The following UBE2H variants were observed in gnomAD, a reference collection of about 807,000 sequenced individuals.
UBE2H encodes the protein ubiquitin-conjugating enzyme E2 H.
UBE2H carries 3 observed loss-of-function variants against 29.0 expected under a neutral mutation model. That is an observed-to-expected ratio of 0.10 (90% confidence interval 0.05 to 0.27). The LOEUF is 0.27. Among genes scored for constraint, UBE2H ranks in the 10% least tolerant of loss-of-function variants. The probability of loss-of-function intolerance (pLI) is 1.00; values close to 1 mark genes in which losing one functional copy is unlikely to be tolerated. For synonymous variants in UBE2H, 69 were observed against 82.9 expected, an observed-to-expected ratio of 0.83 and a Z score of 0.91; for missense variants, 68 against 228.2, an observed-to-expected ratio of 0.30 and a Z score of 4.52.
At chr7:129,842,995 T>A (rs1584738319) in intron 5 of UBE2H, among the ~76,000 whole-genome samples, 1 of 150,700 alleles carries the variant, frequency 6.6e-6, no homozygotes, top group African/African-American at 2.4e-5. Context: ...ACATTAACAG[T>A]AATTTTTTTT....
chr7:129,842,396 A>G (rs193010683), intron 5 of UBE2H, among the ~76,000 whole-genome samples: 165 of 152,234 alleles, frequency 1.1e-3, no homozygotes, highest in African/African-American at 3.6e-3. Flanking sequence ...GCACCACAGT[A>G]CTCCAGCCTG....
At chr7:129,889,882 C>T (rs1472592648) in intron 1 of UBE2H, among the ~76,000 whole-genome samples, 3 of 152,014 alleles carry the variant, frequency 2.0e-5, no homozygotes, top group East Asian at 1.9e-4. Context: ...CCTAGCTAAT[C>T]GGAAGGCTGA....
intron 1 of UBE2H, among the ~76,000 whole-genome samples, chr7:129,945,294 G>A (rs1227769620): frequency 1.3e-5 from 2 of 152,142 alleles, no homozygotes; most frequent in Non-Finnish European, 2.9e-5. Context: ...AAGAATCCAA[G>A]ATGCCAAAAC....
intron 1 of UBE2H, among the ~76,000 whole-genome samples, chr7:129,944,765 C>T (rs1230969268): frequency 1.3e-5 from 2 of 151,608 alleles, no homozygotes; most frequent in African/African-American, 2.4e-5. Context: ...CGCACGCACG[C>T]GCATGCGCAA....
chr7:129,837,936 G>C (rs1805360629), intron 6 of UBE2H, among the ~76,000 whole-genome samples: 3 of 152,184 alleles, frequency 2.0e-5, no homozygotes, highest in Admixed American at 2.0e-4. Context: ...GACATGTACT[G>C]AAACAGGGCT....
intron 1 of UBE2H, among the ~76,000 whole-genome samples, chr7:129,932,713 G>A (rs1012203309): frequency 2.0e-5 from 3 of 146,416 alleles, no homozygotes; most frequent in African/African-American, 7.5e-5. Context: ...GGCGGAGGTT[G>A]CAGTGAGCTA....
chr7:129,907,828 C>G (rs1253502815), intron 1 of UBE2H, among the ~76,000 whole-genome samples: 1 of 151,992 alleles, frequency 6.6e-6, no homozygotes, highest in East Asian at 1.9e-4. Context: ...AAGATAAAGA[C>G]AAGAATAAGC....
At chr7:129,948,285 TG>T (rs1380963179) in intron 1 of UBE2H, among the ~76,000 whole-genome samples, 4 of 152,070 alleles carry the variant, frequency 2.6e-5, no homozygotes, top group Non-Finnish European at 2.9e-5. Flanking sequence ...CCTCCCAAAA[TG>T]CTGGGATTAC....
intron 1 of UBE2H, among the ~76,000 whole-genome samples, chr7:129,900,449 A>G: frequency 6.6e-6 from 1 of 152,176 alleles, no homozygotes; most frequent in East Asian, 1.9e-4. Flanking sequence ...TCTATATAAC[A>G]TTTGTATATA....
intron 6 of UBE2H, among the ~76,000 whole-genome samples, chr7:129,838,763 C>A (rs1227243659): frequency 1.3e-5 from 2 of 152,070 alleles, no homozygotes; most frequent in African/African-American, 4.8e-5. Flanking sequence ...CTCAGCCTCC[C>A]GAGTAGCTGG....
chr7:129,839,146 T>A, intron 6 of UBE2H, 61 bp downstream of exon 6: 1 of 1,576,772 alleles, frequency 6.3e-7, no homozygotes, highest in Non-Finnish European at 8.6e-7. Flanking sequence ...GGACTTTTAA[T>A]GACTGAAGCC....
At chr7:129,899,326 T>C (rs1233946899) in intron 1 of UBE2H, among the ~76,000 whole-genome samples, 2 of 152,198 alleles carry the variant, frequency 1.3e-5, no homozygotes, top group Non-Finnish European at 2.9e-5. Context: ...TCCAGTTACT[T>C]TCTAACTACC....
At chr7:129,951,208 G>A (rs1807867712) in intron 1 of UBE2H, 1 of 152,044 alleles carries the variant, frequency 6.6e-6, no homozygotes, top group African/African-American at 2.4e-5. Context: ...AATAACCACT[G>A]ATCTCTACAA....
chr7:129,934,965 ATGTGTATATATGTG>A (rs1563051592), intron 1 of UBE2H, among the ~76,000 whole-genome samples: 2 of 150,416 alleles, frequency 1.3e-5, no homozygotes, highest in African/African-American at 4.9e-5. Flanking sequence ...GTGTATATAT[ATGTGTATATATGTG>A]TGTGTATATA....
At chr7:129,932,719 A>C (rs1312695270) in intron 1 of UBE2H, among the ~76,000 whole-genome samples, 2 of 146,842 alleles carry the variant, frequency 1.4e-5, no homozygotes, top group East Asian at 4.2e-4. Flanking sequence ...GGTTGCAGTG[A>C]GCTAAGATCA....
intron 3 of UBE2H, among the ~76,000 whole-genome samples, chr7:129,871,862 T>C (rs1159125583): frequency 1.3e-5 from 2 of 152,342 alleles, no homozygotes; most frequent in Non-Finnish European, 1.5e-5. Flanking sequence ...TTCATTTTAT[T>C]TGAGACGGAG....
intron 5 of UBE2H, 46 bp from the exon 6 acceptor site, chr7:129,839,381 C>T: frequency 6.2e-7 from 1 of 1,607,610 alleles, no homozygotes; most frequent in Non-Finnish European, 8.5e-7. Flanking sequence ...TGCAAGTTCA[C>T]CTAAAATTCA....
intron 1 of UBE2H, among the ~76,000 whole-genome samples, chr7:129,886,767 T>TAA (rs79067201): frequency 0.023 from 1,629 of 72,026 alleles, 45 homozygotes; most frequent in African/African-American, 0.044. Context: ...TGTTTTTTGG[T>TAA]AAAAAAAAAA....
chr7:129,901,401 C>A (rs1009210837), intron 1 of UBE2H, among the ~76,000 whole-genome samples: 1 of 152,098 alleles, frequency 6.6e-6, no homozygotes, highest in Non-Finnish European at 1.5e-5. Context: ...AGGTGACCAA[C>A]AGCGAGACTG....
Sources: gnomAD v4.1 joint callset for allele counts (sites outside exome capture counted in the v4.1 genomes callset) on GRCh38, gnomAD v4.1.1 for gene constraint, MANE v1.5 for transcripts, NCBI Gene and HGNC (gene_info 2026-07-23, HGNC 2026-07-21) for gene names.